The following CFTR variants were observed in gnomAD, a reference collection of about 807,000 sequenced individuals.
The protein encoded by CFTR is cystic fibrosis transmembrane conductance regulator.
Under a neutral mutation model 171.6 loss-of-function variants are expected in CFTR, and 181 were observed. The observed-to-expected ratio is 1.05, with a 90% CI of 0.93 to 1.19. CFTR has a LOEUF of 1.19. CFTR is among the 50% of genes most tolerant of loss of function. The pLI is 0.00. For missense variants in CFTR, 1,968 were observed against 1,734.7 expected (o/e 1.13, Z -2.39); for synonymous variants, 583 against 608.0 (o/e 0.96, Z 0.60).
intron 22 of CFTR, among the ~76,000 whole-genome samples, chr7:117,632,333 G>A (rs1205395991): frequency 2.0e-5 from 3 of 152,114 alleles, no homozygotes; most frequent in Non-Finnish European, 4.4e-5. Context: ...AGAGGACATA[G>A]TGGGAGGATC....
At chr7:117,539,359 T>A (rs1799008961) in intron 7 of CFTR, among the ~76,000 whole-genome samples, 1 of 152,182 alleles carries the variant, frequency 6.6e-6, no homozygotes, top group Non-Finnish European at 1.5e-5. Context: ...AGAGAGGATG[T>A]AGTATCTACT....
chr7:117,484,378 A>C (rs958208238), intron 1 of CFTR, among the ~76,000 whole-genome samples: 1 of 152,250 alleles, frequency 6.6e-6, no homozygotes, highest in Non-Finnish European at 1.5e-5. Context: ...AAATGCCATC[A>C]ATGAGGACAG....
intron 21 of CFTR, 139 bp from the exon 22 acceptor site, chr7:117,627,383 T>C (rs1382428974): frequency 1.2e-6 from 1 of 857,056 alleles, no homozygotes; most frequent in Admixed American, 2.1e-5. Context: ...TTCCTGTTAG[T>C]TCATTGAAAA....
intron 3 of CFTR, among the ~76,000 whole-genome samples, chr7:117,509,913 A>G (rs1798488670): frequency 6.6e-6 from 1 of 152,192 alleles, no homozygotes; most frequent in African/African-American, 2.4e-5. Flanking sequence ...TACTTATCAT[A>G]TGGATTGACT....
intron 24 of CFTR, among the ~76,000 whole-genome samples, chr7:117,657,829 A>C (rs1793208070): frequency 6.6e-6 from 1 of 152,198 alleles, no homozygotes; most frequent in South Asian, 2.1e-4. Flanking sequence ...AATTAAAAAT[A>C]TATACAGTGA....
Position 117,666,296 on chromosome 7 carries a change from C to T in CFTR, c.4243-612C>T, listed in dbSNP as rs138527003. Reference sequence around the variant, plus strand: ...AAGTTCTGAGGATGATGTATCACGTCATTTCTGTTCAGGCTTTTGAGCCTC... The same window carrying T: ...AAGTTCTGAGGATGATGTATCACGTTATTTCTGTTCAGGCTTTTGAGCCTC... On this transcript the variant is annotated intron_variant, in intron 26 of 26. Coordinates refer to ENST00000003084, the MANE Select transcript of CFTR (RefSeq NM_000492.4). Among the ~76,000 whole-genome samples the T allele has an allele frequency of 1.7e-3, 253 of 152,304 alleles. 4 individuals carry two copies. The highest frequency in any genetic ancestry group is 0.011 in the Admixed American group (170 of 15,302).
chr7:117,618,141 C>G (rs906289534), intron 21 of CFTR, among the ~76,000 whole-genome samples: 1 of 152,156 alleles, frequency 6.6e-6, no homozygotes, highest in African/African-American at 2.4e-5. Flanking sequence ...CCCCTTCTCT[C>G]TTTCAGATCT....
At chr7:117,604,763 C>G (rs1228998311) in intron 17 of CFTR, 2 of 152,100 alleles carry the variant, frequency 1.3e-5, no homozygotes, top group African/African-American at 2.4e-5. Context: ...TGTTTTGGAG[C>G]TAAGAATTTT....
intron 5 of CFTR, among the ~76,000 whole-genome samples, 188 bp from the exon 6 acceptor site, chr7:117,535,060 A>G (rs1798925810): frequency 6.6e-6 from 1 of 152,210 alleles, no homozygotes; most frequent in African/African-American, 2.4e-5. Context: ...AACCGATTCT[A>G]TGTGTAGAAT....
At chr7:117,618,438 G>A (rs1481720576) in intron 21 of CFTR, among the ~76,000 whole-genome samples, 1 of 151,650 alleles carries the variant, frequency 6.6e-6, no homozygotes, top group African/African-American at 2.4e-5. Context: ...CCGAGATCCT[G>A]CCACTGCACT....
chr7:117,621,463 A>T (rs1244199266), intron 21 of CFTR, among the ~76,000 whole-genome samples: 1 of 152,180 alleles, frequency 6.6e-6, no homozygotes, highest in Non-Finnish European at 1.5e-5. Context: ...GAGTAGCTAG[A>T]TGTGTCCTGT....
At chr7:117,540,069 T>TCCTG in intron 7 of CFTR, 31 bp from the exon 8 acceptor site, 1 of 1,576,804 alleles carries the variant, frequency 6.3e-7, no homozygotes, top group Non-Finnish European at 8.7e-7. Context: ...TAAAATAACA[T>TCCTG]CCTGAATTTT....
At chr7:117,560,981 A>C (rs910839637) in intron 11 of CFTR, among the ~76,000 whole-genome samples, 11 of 152,170 alleles carry the variant, frequency 7.2e-5, no homozygotes, top group African/African-American at 2.6e-4. Flanking sequence ...TGCGTTAAGT[A>C]TGTGTTTTCC....
chr7:117,512,303 A>G (rs1257187268), intron 3 of CFTR, among the ~76,000 whole-genome samples: 4 of 152,210 alleles, frequency 2.6e-5, no homozygotes, highest in African/African-American at 9.6e-5. Context: ...CTCAGCAGCC[A>G]GATAGATGCA....
At chr7:117,582,660 T>C (rs1584808016) in intron 11 of CFTR, among the ~76,000 whole-genome samples, 1 of 152,062 alleles carries the variant, frequency 6.6e-6, no homozygotes, top group South Asian at 2.1e-4. Flanking sequence ...AGACCAGGCA[T>C]TGGGACACAC....
At chr7:117,485,217 A>C (rs62469433) in intron 1 of CFTR, among the ~76,000 whole-genome samples, 1 of 152,178 alleles carries the variant, frequency 6.6e-6, no homozygotes, top group African/African-American at 2.4e-5. Flanking sequence ...GTATTGCAAA[A>C]CCATCAGGAA....
chr7:117,640,467 A>G (rs1033251606), intron 22 of CFTR, among the ~76,000 whole-genome samples: 1 of 152,174 alleles, frequency 6.6e-6, no homozygotes, highest in Non-Finnish European at 1.5e-5. Flanking sequence ...AAAAGGGAAC[A>G]TGGACATTTA....
intron 2 of CFTR, among the ~76,000 whole-genome samples, chr7:117,508,795 C>A (rs1369845447): frequency 6.6e-6 from 1 of 152,212 alleles, no homozygotes; most frequent in African/African-American, 2.4e-5. Flanking sequence ...TTAACACATA[C>A]AATGTGGCCT....
chr7:117,490,701 C>G (rs77540407), intron 1 of CFTR, among the ~76,000 whole-genome samples: 2,949 of 152,138 alleles, frequency 0.019, 48 homozygotes, highest in Non-Finnish European at 0.035. Context: ...GCAAATAATG[C>G]CAGACATAGG....
Sources: gnomAD v4.1 joint callset for allele counts (sites outside exome capture counted in the v4.1 genomes callset) on GRCh38, gnomAD v4.1.1 for gene constraint, MANE v1.5 for transcripts, NCBI Gene and HGNC (gene_info 2026-07-23, HGNC 2026-07-21) for gene names.